The following PCNX2 variants were observed in gnomAD, a reference collection of about 807,000 sequenced individuals.
PCNX2 encodes the protein pecanex 2, also known as pecanex-like protein 2.
In PCNX2, 168 loss-of-function variants were observed where a neutral mutation model predicts 223.8. The observed-to-expected ratio is 0.75, with a 90% confidence interval of 0.66 to 0.85. The LOEUF (loss-of-function observed/expected upper bound fraction) is 0.85, where lower values mean the gene tolerates loss of function less well. Among genes scored for constraint, PCNX2 ranks in the 40% least tolerant of loss-of-function variants. The probability of loss-of-function intolerance (pLI) is 0.00; values close to 1 mark genes in which losing one functional copy is unlikely to be tolerated. For synonymous variants in PCNX2, 1,006 were observed against 1,052.6 expected (o/e 0.96, Z 0.86); for missense variants, 2,507 against 2,675.5 (o/e 0.94, Z 1.39).
chr1:233,068,456 A>G lies in PCNX2; in HGVS notation c.4077-11166T>C, dbSNP rs566205024. The stretch of plus-strand genomic sequence containing the variant: ...GTAAGCAAAAGTATGGGTAAATACA[A>G]TAGACGTCCTTCTCCTCATGTGTCT... On this transcript the variant is annotated intron_variant, in intron 23 of 33. Transcript: ENST00000258229. 2.0e-5 allele frequency among the ~76,000 whole-genome samples: 3 copies of G among 152,318 alleles called. No homozygotes were observed. In the South Asian group the frequency reaches 6.2e-4, roughly 32 times the overall value.
intron 1 of PCNX2, among the ~76,000 whole-genome samples, chr1:233,293,331 A>G (rs1661878170): frequency 6.6e-6 from 1 of 152,220 alleles, no homozygotes; most frequent in Admixed American, 6.5e-5. Flanking sequence ...CTAGTTGGAA[A>G]AGAAAGAGAC....
At chr1:233,221,394 A>C (rs1163610624) in intron 10 of PCNX2, among the ~76,000 whole-genome samples, 1 of 152,006 alleles carries the variant, frequency 6.6e-6, no homozygotes, top group African/African-American at 2.4e-5. Context: ...GAAAAAAAAA[A>C]CCTTTTTCTG....
upstream of PCNX2, among the ~76,000 whole-genome samples, chr1:233,296,876 T>C (rs1255403738): frequency 1.3e-5 from 2 of 152,170 alleles, no homozygotes; most frequent in African/African-American, 4.8e-5. Flanking sequence ...GACAGGCCCA[T>C]CATGAGGAGA....
the PCNX2 span, among the ~76,000 whole-genome samples, chr1:233,319,001 G>T: frequency 6.6e-6 from 1 of 152,050 alleles, no homozygotes; most frequent in Non-Finnish European, 1.5e-5. Context: ...CTGTGACCAG[G>T]AATCCAGGAC....
intron 25 of PCNX2, among the ~76,000 whole-genome samples, chr1:233,032,719 A>G (rs1671313723): frequency 6.6e-6 from 1 of 152,076 alleles, no homozygotes; most frequent in Admixed American, 6.5e-5. Flanking sequence ...TGACCATCTG[A>G]GTGAAATAGC....
chr1:232,984,647 T>A (rs1669401660), intron 33 of PCNX2, 170 bp from the exon 34 acceptor site: 1 of 663,912 alleles, frequency 1.5e-6, no homozygotes. Flanking sequence ...CAGTGGCCTC[T>A]GAGGACAGGA....
intron 7 of PCNX2, 26 bp downstream of exon 7, chr1:233,252,328 A>G (rs751213512): frequency 1.3e-6 from 2 of 1,581,510 alleles, no homozygotes; most frequent in Non-Finnish European, 1.7e-6. Context: ...CTGCTTGTTC[A>G]TTAGTAAAGA....
chr1:233,245,408 G>A (rs867084959), intron 8 of PCNX2, among the ~76,000 whole-genome samples: 7 of 152,200 alleles, frequency 4.6e-5, no homozygotes, highest in Non-Finnish European at 8.8e-5. Context: ...GTTTCAAAAG[G>A]GAGCAATGAG....
At chr1:233,298,533 T>A (rs1393490042), upstream of PCNX2, among the ~76,000 whole-genome samples, 1 of 152,180 alleles carries the variant, frequency 6.6e-6, no homozygotes, top group Admixed American at 6.5e-5. Flanking sequence ...GAGCGTGATC[T>A]AAATGCAGGT....
chr1:233,262,743 T>G (rs1196615186), intron 2 of PCNX2, among the ~76,000 whole-genome samples: 1 of 152,208 alleles, frequency 6.6e-6, no homozygotes, highest in East Asian at 1.9e-4. Context: ...GAGAAGGTCA[T>G]ATTGACTTCC....
rs940726475 is a variant in PCNX2, at chr1:232,991,802, C to T, written c.5792-5262G>A. On this transcript the variant is annotated intron_variant, in intron 32 of 33. Coordinates refer to ENST00000258229, the MANE Select transcript of PCNX2 (RefSeq NM_014801.4). This position sits in a 1 kb window ranked among gnomAD's most constrained non-coding sequence, Gnocchi z 4.3. Reference sequence around the variant, plus strand: ...ACTCCCCTCCAGCCCTCAGGAGGAACCAAGCCTGCCCACACCTGGATCTCA... The same window carrying T: ...ACTCCCCTCCAGCCCTCAGGAGGAATCAAGCCTGCCCACACCTGGATCTCA... 1.3e-5 allele frequency among the ~76,000 whole-genome samples: 2 copies of T among 152,030 alleles called. No homozygotes were observed. Among genetic ancestry groups the T allele is most frequent in the African/African-American group, 4.8e-5 (2 of 41,386 alleles).
At position 233,030,971 on chromosome 1, in the gene PCNX2, G is replaced by A. The variant is rs192091626; in HGVS notation, c.4352-5572C>T. Among the ~76,000 whole-genome samples, 290 of 152,242 alleles carry A rather than the reference G, an allele frequency of 1.9e-3. 1 individual carries two copies. The highest frequency in any genetic ancestry group is 6.0e-3 in the African/African-American group (251 of 41,540). On this transcript the variant is annotated intron_variant, in intron 25 of 33. Transcript: ENST00000258229. ...CACATACTTCAGCAGCCCAGGACTC[G>A]GATTCTATCCCCCTAGTTCAATAAG...
intron 12 of PCNX2, among the ~76,000 whole-genome samples, chr1:233,209,861 G>T (rs1681723173): frequency 6.6e-6 from 1 of 152,152 alleles, no homozygotes. Context: ...CAATCTAAAT[G>T]TATTTCTCAT....
chr1:233,108,436 C>T (rs1190495957), intron 21 of PCNX2, among the ~76,000 whole-genome samples: 1 of 152,190 alleles, frequency 6.6e-6, no homozygotes, highest in Non-Finnish European at 1.5e-5. Flanking sequence ...TTGGTGAACA[C>T]AGCTATGTGT....
chr1:233,276,265 G>A (rs770419565), intron 1 of PCNX2, among the ~76,000 whole-genome samples: 1 of 152,154 alleles, frequency 6.6e-6, no homozygotes, highest in African/African-American at 2.4e-5. Flanking sequence ...GGTAACTAGA[G>A]TATTCAAACT....
intron 9 of PCNX2, among the ~76,000 whole-genome samples, chr1:233,233,346 C>G (rs927116944): frequency 6.6e-6 from 1 of 152,016 alleles, no homozygotes; most frequent in Non-Finnish European, 1.5e-5. Context: ...TCCAACCATG[C>G]CCCAAGCTCT....
intron 1 of PCNX2, among the ~76,000 whole-genome samples, chr1:233,285,314 T>C (rs905385538): frequency 6.6e-6 from 1 of 151,852 alleles, no homozygotes; most frequent in Non-Finnish European, 1.5e-5. Context: ...ATTACGCCAC[T>C]GTTCTCCAGC....
At position 233,126,656 on chromosome 1, in the gene PCNX2, C is replaced by G. The variant is rs967888479; in HGVS notation, c.3837+8357G>C. Among the ~76,000 whole-genome samples, 1 of 151,834 alleles carries G rather than the reference C, an allele frequency of 6.6e-6. No individual in the cohort carries two copies. Among genetic ancestry groups the G allele is most frequent in the African/African-American group, 2.4e-5 (1 of 41,348 alleles). On this transcript the variant is annotated intron_variant, in intron 21 of 33. Coordinates refer to ENST00000258229, the MANE Select transcript of PCNX2 (RefSeq NM_014801.4). The surrounding 1 kb of genome is among the most constrained non-coding windows in gnomAD (Gnocchi z 4.8). ...TTAAAACAGACTTTTTTTGTATTTT[C>G]CATTGCTTTTCTAATTTTATCATGA... is the stretch of plus-strand genomic sequence containing the variant.
chr1:233,293,445 C>CA (rs1286155389), intron 1 of PCNX2, among the ~76,000 whole-genome samples: 1 of 152,096 alleles, frequency 6.6e-6, no homozygotes, highest in Admixed American at 6.5e-5. Context: ...TCCATGCCCT[C>CA]AAAAAAGCTT....
Sources: allele counts gnomAD v4.1 joint callset (sites outside exome capture counted in the v4.1 genomes callset), GRCh38; gene constraint gnomAD v4.1.1; non-coding constraint Gnocchi (gnomAD v3.1); transcripts MANE v1.5; gene names NCBI Gene and HGNC (gene_info 2026-07-23, HGNC 2026-07-21).